ALKBH3: variants seen among roughly 807,000 people sequenced by gnomAD.
The protein encoded by ALKBH3 is alkB homolog 3, alpha-ketoglutarate dependent dioxygenase.
A neutral mutation model predicts 43.9 loss-of-function variants in ALKBH3; 51 were observed. That is an observed-to-expected ratio of 1.16 (90% CI 0.93 to 1.47). ALKBH3 has a LOEUF of 1.47. ALKBH3 is among the 40% of genes most tolerant of loss of function. The pLI is 0.00. For missense variants in ALKBH3, 361 were observed against 351.9 expected (o/e 1.03, Z -0.21); for synonymous variants, 102 against 115.2 (o/e 0.89, Z 0.73).
chr11:43,912,306 A>G (rs888830674), intron 8 of ALKBH3: 1 of 152,234 alleles, frequency 6.6e-6, no homozygotes, highest in African/African-American at 2.4e-5. Flanking sequence ...AGGGAGATCC[A>G]TGGACTCTCA....
chr11:43,899,614 AC>A, intron 7 of ALKBH3: 2 of 518,140 alleles, frequency 3.9e-6, no homozygotes. Flanking sequence ...CCCTCCTCGG[AC>A]AGCCAGCTCC....
intron 8 of ALKBH3, among the ~76,000 whole-genome samples, chr11:43,918,196 C>CAA (rs1951998931): frequency 6.6e-6 from 1 of 152,172 alleles, no homozygotes; most frequent in African/African-American, 2.4e-5. Context: ...TTGCTGTGAG[C>CAA]ACAGAAGTTG....
At chr11:43,885,763 TA>T (rs1951742419) in intron 4 of ALKBH3, among the ~76,000 whole-genome samples, 1 of 152,182 alleles carries the variant, frequency 6.6e-6, no homozygotes, top group African/African-American at 2.4e-5. Context: ...CCACAGTCTA[TA>T]AAATAAAATA....
chr11:43,899,273 G>A (rs555736489), intron 7 of ALKBH3: 20 of 718,134 alleles, frequency 2.8e-5, no homozygotes, highest in South Asian at 1.9e-4. Flanking sequence ...AGGAGAAGGC[G>A]TGCAGGGCTC....
intron 8 of ALKBH3, among the ~76,000 whole-genome samples, chr11:43,902,721 C>T (rs921067704): frequency 6.6e-6 from 1 of 152,194 alleles, no homozygotes; most frequent in Non-Finnish European, 1.5e-5. Context: ...GTTAGCCTCC[C>T]GAGTAGCTGG....
At chr11:43,910,677 T>C (rs1171430907) in intron 8 of ALKBH3, among the ~76,000 whole-genome samples, 1 of 152,212 alleles carries the variant, frequency 6.6e-6, no homozygotes, top group African/African-American at 2.4e-5. Context: ...TATTATCAAG[T>C]CCCAAGTCAT....
intron 7 of ALKBH3, among the ~76,000 whole-genome samples, chr11:43,894,703 G>T (rs7113268): frequency 6.6e-6 from 1 of 152,060 alleles, no homozygotes; most frequent in African/African-American, 2.4e-5. Context: ...CTTGTTAAGC[G>T]TGTAATTCTA....
chr11:43,889,568 C>CT (rs766384428), intron 5 of ALKBH3, among the ~76,000 whole-genome samples, 157 bp from the exon 6 acceptor site: 3 of 152,170 alleles, frequency 2.0e-5, no homozygotes, highest in Non-Finnish European at 4.4e-5. Flanking sequence ...GCCTCATGAC[C>CT]TGGGTGATGT....
rs2135180737 is a variant in ALKBH3, at chr11:43,889,833, G to A, written c.370+5G>A. 1.9e-6 allele frequency: 3 copies of A among 1,606,450 alleles called. No individual in the cohort carries two copies. The highest frequency in any genetic ancestry group is 1.3e-5 in the African/African-American group (1 of 74,872). ...AGAGGACTGGCATCAGAGAGGGTAA[G>A]TAGATCCCAGAGGTCACAGTTGGTG... On this transcript the variant is annotated splice_donor_5th_base_variant and intron_variant, in intron 6 of 9. Transcript: ENST00000302708.
chr11:43,894,756 A>T (rs1590370300), intron 7 of ALKBH3, among the ~76,000 whole-genome samples: 1 of 152,348 alleles, frequency 6.6e-6, no homozygotes, highest in South Asian at 2.1e-4. Flanking sequence ...TAAAGCTGTA[A>T]AGTAAATAGG....
At chr11:43,915,829 A>T (rs1303573113) in intron 8 of ALKBH3, among the ~76,000 whole-genome samples, 3 of 152,100 alleles carry the variant, frequency 2.0e-5, no homozygotes, top group Admixed American at 6.5e-5. Context: ...ATTACAGGCG[A>T]TTTTCTACAT....
In ALKBH3 at chr11:43,918,921, A is replaced by G. The variant is rs548635202; in HGVS notation, c.670-117A>G. On this transcript the variant is annotated intron_variant, in intron 8 of 9. Transcript: ENST00000302708. ...CAGCTGCCAAATGACAGAGCTATAT[A>G]TGGATTCCCACAGTCTGGCTGAGCA... The G allele has an allele frequency of 6.7e-5, 51 of 759,780 alleles. No homozygotes were observed. The Admixed American group carries it at 7.7e-4, about 11-fold the overall frequency. 47.1% of individuals were successfully genotyped at this position (759,780 alleles called of 1,614,324 possible).
intron 8 of ALKBH3, among the ~76,000 whole-genome samples, chr11:43,913,438 A>G (rs549039409): frequency 6.6e-6 from 1 of 152,332 alleles, no homozygotes; most frequent in South Asian, 2.1e-4. Flanking sequence ...TCTAAGATTT[A>G]TTCAGATTAC....
At chr11:43,904,801 A>G (rs961553690) in intron 8 of ALKBH3, among the ~76,000 whole-genome samples, 5 of 152,204 alleles carry the variant, frequency 3.3e-5, no homozygotes, top group African/African-American at 1.2e-4. Flanking sequence ...TGATTCATAC[A>G]GCCCAAGGTA....
At chr11:43,899,872 G>GAAAAAAAAAA (rs10636253) in intron 7 of ALKBH3, among the ~76,000 whole-genome samples, 2 of 121,946 alleles carry the variant, frequency 1.6e-5, no homozygotes, top group African/African-American at 3.1e-5. Context: ...GTGGTCTCAG[G>GAAAAAAAAAA]AAAAAAAAAA....
At chr11:43,919,164 G>C (rs768037278) in intron 9 of ALKBH3, 28 bp downstream of exon 9, 2 of 1,572,306 alleles carry the variant, frequency 1.3e-6, no homozygotes, top group Non-Finnish European at 1.7e-6. Flanking sequence ...ATATGAATCT[G>C]CTTTCATGTG....
chr11:43,904,238 A>G (rs1252117808), intron 8 of ALKBH3, among the ~76,000 whole-genome samples: 1 of 152,260 alleles, frequency 6.6e-6, no homozygotes, highest in Non-Finnish European at 1.5e-5. Flanking sequence ...GATTTGATTA[A>G]AATACTGATC....
chr11:43,907,214 T>A (rs1051341019), intron 8 of ALKBH3, among the ~76,000 whole-genome samples: 65 of 149,674 alleles, frequency 4.3e-4, no homozygotes, highest in Non-Finnish European at 5.5e-4. Context: ...AGAGAGAGAG[T>A]GTGTGTGTGT....
intron 7 of ALKBH3, among the ~76,000 whole-genome samples, chr11:43,900,160 A>G (rs1951851652): frequency 6.6e-6 from 1 of 150,530 alleles, no homozygotes; most frequent in African/African-American, 2.4e-5. Context: ...TTTCATTAAA[A>G]TGTTGATGTT....
Sources: gnomAD v4.1 joint callset for allele counts (sites outside exome capture counted in the v4.1 genomes callset) on GRCh38, gnomAD v4.1.1 for gene constraint, MANE v1.5 for transcripts, NCBI Gene and HGNC (gene_info 2026-07-23, HGNC 2026-07-21) for gene names.